Variants in LPIN2 observed in about 807,000 individuals in gnomAD.
LPIN2 encodes lipin 2.
Under a neutral mutation model 111.4 loss-of-function variants are expected in LPIN2, and 55 were observed. The observed-to-expected ratio is 0.49, with a 90% CI of 0.40 to 0.62. LPIN2 has a LOEUF of 0.62. LPIN2 is among the 20% of genes least tolerant of loss of function. The pLI, the probability that LPIN2 is intolerant of heterozygous loss-of-function variation, is 0.00. For synonymous variants in LPIN2, 425 were observed against 414.0 expected, an observed-to-expected ratio of 1.03 and a Z score of -0.32; for missense variants, 992 against 1,112.1, an observed-to-expected ratio of 0.89 and a Z score of 1.54.
In LPIN2 at chr18:2,951,252, T is replaced by C. The variant is rs1045712042; in HGVS notation, c.393A>G (p.Pro131=). The change falls in exon 4 of 20, where the codon CCA becomes CCG. Residue 131 remains proline (P), a synonymous_variant. Transcript: ENST00000677752. The stretch of plus-strand genomic sequence containing the variant: ...CGTGTGAGATGTCTGAACTCTGAGA[T>C]GGTGTTTCATCTCCACCCGATTTCA... ...PLVKSGGDET[P]SQSSDISHVL... The C allele has an allele frequency of 5.6e-6, 9 of 1,614,120 alleles. No individual in the cohort carries two copies. In the African/African-American group the frequency reaches 8.0e-5, roughly 14 times the overall value.
intron 10 of LPIN2, 67 bp downstream of exon 10, chr18:2,928,998 A>C (rs2077175394): frequency 4.0e-6 from 4 of 998,760 alleles, no homozygotes; most frequent in Non-Finnish European, 6.4e-6. Flanking sequence ...TATAAGTAAC[A>C]GTTAAAAATG....
intron 2 of LPIN2, among the ~76,000 whole-genome samples, chr18:2,958,277 A>C (rs568886973): frequency 6.6e-6 from 1 of 151,892 alleles, no homozygotes; most frequent in South Asian, 2.1e-4. Flanking sequence ...CTAAAAGTAA[A>C]CTCCTAAGTT....
intron 4 of LPIN2, among the ~76,000 whole-genome samples, chr18:2,942,971 T>TG (rs575449953): frequency 1.6e-3 from 241 of 152,332 alleles, no homozygotes; most frequent in African/African-American, 5.5e-3. Flanking sequence ...CAGTCAGGGC[T>TG]GGGGGCTCGG....
intron 9 of LPIN2, among the ~76,000 whole-genome samples, chr18:2,931,047 G>A (rs1275329758): frequency 6.6e-6 from 1 of 152,048 alleles, no homozygotes; most frequent in Non-Finnish European, 1.5e-5. Flanking sequence ...AGCCTTTAAG[G>A]GCACACTACC....
At chr18:2,940,286 C>T (rs1196758092) in intron 5 of LPIN2, among the ~76,000 whole-genome samples, 1 of 152,180 alleles carries the variant, frequency 6.6e-6, no homozygotes, top group Non-Finnish European at 1.5e-5. Flanking sequence ...ATGAGTGTGC[C>T]ACTGCACTCC....
chr18:3,011,455 G>GA (rs2078601635), intron 1 of LPIN2, among the ~76,000 whole-genome samples: 1 of 151,956 alleles, frequency 6.6e-6, no homozygotes, highest in Non-Finnish European at 1.5e-5. Flanking sequence ...GAGGCCGAGG[G>GA]GGGCGGATCA....
Position 2,927,742 on chromosome 18 carries a change from T to C in LPIN2, c.1690A>G (p.Arg564Gly), listed in dbSNP as rs367708357. 4 of 1,614,110 alleles carry C rather than the reference T, an allele frequency of 2.5e-6. No homozygotes were observed. In the African/African-American group the frequency reaches 4.0e-5, roughly 16 times the overall value. Residue 564 changes from arginine to glycine, a missense_variant, in exon 12 of 20, where the codon AGA becomes GGA. By Grantham distance (125) the Arg-to-Gly change is moderately radical. Around this residue, in one of 4 missense-constraint regions of LPIN2, gnomAD observed 709 missense variants for 753.2 expected, o/e 0.94. Transcript: ENST00000677752. ...GTTACCTGTTTGGTCATGCTTTCTC[T>C]CTTTCGCCAAAACCACCAGCGACCA... ...KSGRWWFWRKRESMTKQLPES... is the reference protein window; with the variant it reads ...KSGRWWFWRKGESMTKQLPES...
At position 2,929,127 on chromosome 18, in the gene LPIN2, G is replaced by A. The variant is rs773652492; in HGVS notation, c.1488C>T (p.His496=). The A allele has an allele frequency of 8.7e-6, 14 of 1,607,130 alleles. No homozygotes were observed. The Admixed American group carries it at 1.0e-4, about 11-fold the overall frequency. ...EKFMEHIITY[H]EFAENPGLID... Reference sequence around the variant, plus strand: ...TAAGTCCAGGGTTTTCTGCAAATTCGTGATAAGTAATGATATGCTCCATGA... The same window carrying A: ...TAAGTCCAGGGTTTTCTGCAAATTCATGATAAGTAATGATATGCTCCATGA... The change falls in exon 10 of 20, where the codon CAC becomes CAT. Residue 496 remains histidine, a synonymous_variant. Transcript: ENST00000677752.
chr18:2,979,398 A>G (rs1780643131), intron 1 of LPIN2, among the ~76,000 whole-genome samples: 1 of 152,228 alleles, frequency 6.6e-6, no homozygotes, highest in Non-Finnish European at 1.5e-5. Flanking sequence ...CATTTGCTGG[A>G]TATCTGCCCA....
chr18:2,943,628 G>A (rs1352106709), intron 4 of LPIN2, among the ~76,000 whole-genome samples: 1 of 152,130 alleles, frequency 6.6e-6, no homozygotes, highest in Non-Finnish European at 1.5e-5. Flanking sequence ...ATCAAACTAA[G>A]TATCAACCTT....
chr18:3,005,361 A>AG (rs1178159693), intron 1 of LPIN2, among the ~76,000 whole-genome samples: 1 of 151,796 alleles, frequency 6.6e-6, no homozygotes, highest in African/African-American at 2.4e-5. Context: ...CAAAAAAAAA[A>AG]AAGAAAAAGA....
chr18:2,930,978 C>T (rs2144159910), intron 9 of LPIN2, among the ~76,000 whole-genome samples: 1 of 152,224 alleles, frequency 6.6e-6, no homozygotes, highest in South Asian at 2.1e-4. Flanking sequence ...ATGATCGCAC[C>T]CTGGCAGCTC....
rs1220386218 is a variant in LPIN2 at position 2,928,498 on chromosome 18, G to A, written c.1620+93C>T. The stretch of plus-strand genomic sequence containing the variant: ...TTAAGCTCAAGTAAAACTTTGAATA[G>A]TACCCAGTTCAGAAATATGCACATA... On this transcript the variant is annotated intron_variant, in intron 11 of 19. Transcript: ENST00000677752. The A allele has an allele frequency of 6.7e-6, 8 of 1,202,970 alleles. No homozygotes were observed. The African/African-American group carries it at 9.0e-5, about 13-fold the overall frequency. 74.5% of individuals were successfully genotyped at this position (1,202,970 alleles called of 1,614,324 possible). A position where few individuals can be genotyped will look rare whatever the true frequency, so the allele number is the denominator to read the frequency against.
intron 7 of LPIN2, among the ~76,000 whole-genome samples, chr18:2,935,118 T>G (rs1395509083): frequency 1.3e-5 from 2 of 152,226 alleles, no homozygotes; most frequent in African/African-American, 4.8e-5. Flanking sequence ...GCATTTAAAC[T>G]GTTGCTAAAG....
At chr18:2,992,931 A>T (rs2078286317) in intron 1 of LPIN2, among the ~76,000 whole-genome samples, 1 of 148,996 alleles carries the variant, frequency 6.7e-6, no homozygotes, top group African/African-American at 2.5e-5. Flanking sequence ...GCTTGCAGTG[A>T]GCTGAGATAG....
At chr18:3,007,017 AG>A (rs2078526933) in intron 1 of LPIN2, among the ~76,000 whole-genome samples, 1 of 138,154 alleles carries the variant, frequency 7.2e-6, no homozygotes, top group South Asian at 2.1e-4. Flanking sequence ...AAAAAAAAAC[AG>A]CATTTGTTTA....
Position 2,951,079 on chromosome 18 carries a change from T to G in LPIN2, c.566A>C (p.Asp189Ala). The change falls in exon 4 of 20, where the codon GAT becomes GCT. Residue 189 changes from aspartate to alanine, a missense_variant. Physicochemically the swap from Asp to Ala is moderately radical, Grantham distance 126. Around this residue, in one of 4 missense-constraint regions of LPIN2, gnomAD observed 709 missense variants for 753.2 expected, o/e 0.94. Coordinates refer to ENST00000677752, the MANE Select transcript of LPIN2 (RefSeq NM_001375808.2). The part of the protein sequence containing the change: ...DTCDVGVSSD[D>A]DKGAQAARGS... ...CCGTGCTGCCTGGGCCCCCTTGTCA[T>G]CATCGGAGCTCACGCCTACATCACA... 1 of 1,614,186 alleles carries G rather than the reference T, an allele frequency of 6.2e-7. No homozygotes were observed. The highest frequency in any genetic ancestry group is 8.5e-7 in the Non-Finnish European group (1 of 1,180,030).
chr18:3,001,616 G>GA (rs55803659), intron 1 of LPIN2, among the ~76,000 whole-genome samples: 18,423 of 151,788 alleles, frequency 0.12, 1,289 homozygotes, highest in South Asian at 0.17. Context: ...GGTCTAAAAT[G>GA]AAAAAAACAA....
chr18:3,001,745 A>C (rs778251035), intron 1 of LPIN2, among the ~76,000 whole-genome samples: 10 of 152,216 alleles, frequency 6.6e-5, no homozygotes, highest in African/African-American at 1.4e-4. Flanking sequence ...GGGGTTTTTC[A>C]TAATAAACCT....
Sources: gnomAD v4.1 joint callset for allele counts (sites outside exome capture counted in the v4.1 genomes callset) on GRCh38, gnomAD v4.1.1 for gene constraint, gnomAD v4.1.1 regional missense constraint, MANE v1.5 for transcripts, NCBI Gene and HGNC (gene_info 2026-07-23, HGNC 2026-07-21) for gene names.